Variants in JAK1 observed in about 807,000 individuals in gnomAD.
The protein encoded by JAK1 is tyrosine-protein kinase JAK1.
JAK1 carries 16 observed loss-of-function variants against 136.6 expected under a neutral mutation model. The observed-to-expected ratio is 0.12, with a 90% CI of 0.08 to 0.18. The LOEUF is 0.18. Ranked by LOEUF, JAK1 falls within the 10% of genes least tolerant of loss-of-function variation. The pLI, the probability that JAK1 is intolerant of heterozygous loss-of-function variation, is 1.00. For synonymous variants in JAK1, 492 were observed against 519.5 expected, an observed-to-expected ratio of 0.95 and a Z score of 0.72; for missense variants, 859 against 1,450.1, an observed-to-expected ratio of 0.59 and a Z score of 6.62.
intron 2 of JAK1, among the ~76,000 whole-genome samples, chr1:65,024,273 T>C (rs1394710611): frequency 1.3e-5 from 2 of 152,176 alleles, no homozygotes; most frequent in Non-Finnish European, 2.9e-5. Context: ...CACTTGTTGT[T>C]CATATTTTTT....
At chr1:65,004,066 C>T (rs1224236928) in intron 2 of JAK1, 1 of 152,196 alleles carries the variant, frequency 6.6e-6, no homozygotes. Flanking sequence ...CTCAGCCTCC[C>T]GAGTAGCTGG....
chr1:64,834,977 A>T (rs1654379834), intron 24 of JAK1, among the ~76,000 whole-genome samples: 1 of 152,212 alleles, frequency 6.6e-6, no homozygotes, highest in South Asian at 2.1e-4. Flanking sequence ...TCACTCTCTG[A>T]CTCATACTGT....
chr1:65,043,873 C>G (rs892446577), intron 2 of JAK1, among the ~76,000 whole-genome samples: 2 of 152,068 alleles, frequency 1.3e-5, no homozygotes, highest in African/African-American at 2.4e-5. Flanking sequence ...AGGGGCCCAC[C>G]ACCACACCTG....
intron 2 of JAK1, among the ~76,000 whole-genome samples, chr1:65,027,555 T>C (rs1466529795): frequency 6.6e-6 from 1 of 152,052 alleles, no homozygotes; most frequent in African/African-American, 2.4e-5. Flanking sequence ...CACTGGGTTG[T>C]AATAACTGTG....
intron 2 of JAK1, among the ~76,000 whole-genome samples, chr1:65,013,999 T>C (rs964801069): frequency 2.0e-5 from 3 of 152,054 alleles, no homozygotes; most frequent in Non-Finnish European, 4.4e-5. Flanking sequence ...GAAATAAAAT[T>C]TACCATTACT....
chr1:64,842,527 G>A (rs1416997758), intron 17 of JAK1, among the ~76,000 whole-genome samples: 1 of 152,136 alleles, frequency 6.6e-6, no homozygotes, highest in African/African-American at 2.4e-5. Flanking sequence ...GCTGAGAATT[G>A]CTCTTGTCCT....
At chr1:65,057,196 T>C (rs1647585512) in intron 1 of JAK1, among the ~76,000 whole-genome samples, 1 of 152,210 alleles carries the variant, frequency 6.6e-6, no homozygotes, top group South Asian at 2.1e-4. Flanking sequence ...TGCACAGTAC[T>C]GTGATCTAAG....
At chr1:65,006,488 G>A (rs1646805095) in intron 2 of JAK1, among the ~76,000 whole-genome samples, 1 of 152,152 alleles carries the variant, frequency 6.6e-6, no homozygotes, top group South Asian at 2.1e-4. Context: ...CTCCTGAGTA[G>A]GTAGGACTAC....
intron 4 of JAK1, among the ~76,000 whole-genome samples, chr1:64,877,027 G>C (rs1644682545): frequency 6.6e-6 from 1 of 152,138 alleles, no homozygotes; most frequent in Non-Finnish European, 1.5e-5. Flanking sequence ...TACAGAATAT[G>C]GTTGTCTTAT....
chr1:65,056,006 A>G (rs1647518341), intron 1 of JAK1, among the ~76,000 whole-genome samples: 1 of 152,244 alleles, frequency 6.6e-6, no homozygotes, highest in Non-Finnish European at 1.5e-5. Flanking sequence ...ACCAAGGCCA[A>G]TGATTGCACA....
At chr1:64,838,738 A>G (rs972068295) in intron 20 of JAK1, 149 bp from the exon 21 acceptor site, 4 of 685,860 alleles carry the variant, frequency 5.8e-6, no homozygotes, top group Non-Finnish European at 9.7e-6. Flanking sequence ...TTATGCCTCA[A>G]GATCCTCAGC....
At chr1:64,859,933 A>G in intron 9 of JAK1, 172 bp downstream of exon 9, 1 of 451,652 alleles carries the variant, frequency 2.2e-6, no homozygotes, top group Non-Finnish European at 3.9e-6. Context: ...GGATGGTAGG[A>G]GATTACAGGA....
In JAK1 at chr1:64,984,409, C is replaced by A. The variant is rs969860458; in HGVS notation, c.-78+60071G>T. 6.6e-6 allele frequency among the ~76,000 whole-genome samples: 1 copy of A among 152,170 alleles called. No individual in the cohort carries two copies. The highest frequency in any genetic ancestry group is 1.5e-5 in the Non-Finnish European group (1 of 68,026). On this transcript the variant is annotated intron_variant, in intron 2 of 25. Coordinates refer to the JAK1 transcript ENST00000671954. This position sits in a 1 kb window ranked among gnomAD's most constrained non-coding sequence, Gnocchi z 4.1. Reference sequence around the variant, plus strand: ...TGAAGGGTAGGTTCACTTGGTCTCTCCTACGCAGAAGAGAATGTCCAAGAA... The same window carrying A: ...TGAAGGGTAGGTTCACTTGGTCTCTACTACGCAGAAGAGAATGTCCAAGAA...
At chr1:64,896,743 A>G (rs1200915741) in intron 1 of JAK1, among the ~76,000 whole-genome samples, 1 of 152,210 alleles carries the variant, frequency 6.6e-6, no homozygotes, top group Non-Finnish European at 1.5e-5. Context: ...CACCCGACCA[A>G]GCGAAAAGAG....
At chr1:64,855,220 TTTATC>T (rs1391484807) in intron 11 of JAK1, among the ~76,000 whole-genome samples, 4 of 152,308 alleles carry the variant, frequency 2.6e-5, no homozygotes, top group African/African-American at 9.6e-5. Context: ...CTCAAGGCAT[TTTATC>T]TTAAGGAAGA....
At chr1:65,063,966 G>T (rs1418046161) in intron 1 of JAK1, among the ~76,000 whole-genome samples, 1 of 152,110 alleles carries the variant, frequency 6.6e-6, no homozygotes, top group African/African-American at 2.4e-5. Flanking sequence ...GGAATTAATA[G>T]CATATTCATT....
intron 2 of JAK1, among the ~76,000 whole-genome samples, chr1:65,042,438 A>AC (rs1647143219): frequency 2.0e-5 from 3 of 148,776 alleles, no homozygotes; most frequent in African/African-American, 7.5e-5. Context: ...ACACACACAC[A>AC]AACACACCCC....
rs560665608 is a variant in JAK1, at chr1:64,892,304, G to A, written c.-77-5963C>T. On this transcript the variant is annotated intron_variant, in intron 1 of 24. Transcript: ENST00000342505. ...TTTTTTGGGGGGGATGGAGGGGGATGGAATCTCGCTCTGTCACCCACGCTG... is the reference window on the plus strand; with the variant it reads ...TTTTTTGGGGGGGATGGAGGGGGATAGAATCTCGCTCTGTCACCCACGCTG... Among the ~76,000 whole-genome samples, 4 of 152,132 alleles carry A rather than the reference G, an allele frequency of 2.6e-5. No individual in the cohort carries two copies. The East Asian group carries it at 7.8e-4, about 30-fold the overall frequency.
Position 64,867,151 on chromosome 1 carries a change from G to A in JAK1, c.705C>T (p.Leu235=), listed in dbSNP as rs1656756969. 6.2e-7 allele frequency: 1 copy of A among 1,611,618 alleles called. No individual in the cohort carries two copies. The highest frequency in any genetic ancestry group is 1.3e-5 in the African/African-American group (1 of 74,936). The change falls in exon 7 of 25, where the codon CTC becomes CTT. Residue 235 remains leucine (L), a synonymous_variant. Transcript: ENST00000342505. The part of the protein sequence containing the change: ...LNKSIRQRNL[L]TRMRINNVFK... Reference sequence around the variant, plus strand: ...AAACATTATTTATCCGCATCCTGGTGAGAAGGTTCCTCTGTCTGATGGACT... The same window carrying A: ...AAACATTATTTATCCGCATCCTGGTAAGAAGGTTCCTCTGTCTGATGGACT...
Sources: gnomAD v4.1 joint callset for allele counts (sites outside exome capture counted in the v4.1 genomes callset) on GRCh38, gnomAD v4.1.1 for gene constraint, Gnocchi (gnomAD v3.1) non-coding constraint, MANE v1.5 for transcripts, NCBI Gene and HGNC (gene_info 2026-07-23, HGNC 2026-07-21) for gene names.